Variants in CABLES1 observed in about 807,000 individuals in gnomAD.
CABLES1 encodes Cdk5 and Abl enzyme substrate 1, also known as CDK5 and ABL1 enzyme substrate 1.
Under a neutral mutation model 57.8 loss-of-function variants are expected in CABLES1, and 36 were observed. The ratio of observed to expected loss-of-function variants is 0.62; its 90% CI spans 0.48 to 0.82. CABLES1 has a LOEUF of 0.82. Ranked by LOEUF, CABLES1 falls within the 40% of genes least tolerant of loss-of-function variation. The pLI is 0.00. For missense variants in CABLES1, 767 were observed against 836.6 expected, an observed-to-expected ratio of 0.92 and a Z score of 1.03; for synonymous variants, 374 against 363.0, an observed-to-expected ratio of 1.03 and a Z score of -0.35.
At chr18:23,160,141 G>A (rs1355124096) in intron 1 of CABLES1, among the ~76,000 whole-genome samples, 1 of 151,398 alleles carries the variant, frequency 6.6e-6, no homozygotes, top group Admixed American at 6.6e-5. Context: ...AGGTTCAAGC[G>A]ATTCTCCTGC....
intron 4 of CABLES1, among the ~76,000 whole-genome samples, chr18:23,233,405 C>T (rs1259125100): frequency 6.6e-6 from 1 of 152,226 alleles, no homozygotes; most frequent in Admixed American, 6.5e-5. Context: ...ACTCTCCAAC[C>T]TACCGTCCTG....
In CABLES1 at chr18:23,259,725, C is replaced by CCAGACGTG. The variant is rs1159361369; in HGVS notation, c.*2363_*2364insGTGCAGAC. 1 of 152,204 alleles carries CCAGACGTG rather than the reference C, an allele frequency of 6.6e-6. No individual in the cohort carries two copies. Among genetic ancestry groups the CCAGACGTG allele is most frequent in the Non-Finnish European group, 1.5e-5 (1 of 68,092 alleles). 9.4% of individuals were successfully genotyped at this position (152,204 alleles called of 1,614,324 possible). A position where few individuals can be genotyped will look rare whatever the true frequency, so the allele number is the denominator to read the frequency against. On this transcript the variant is annotated 3_prime_UTR_variant, in exon 10 of 10. Coordinates refer to ENST00000256925, the MANE Select transcript of CABLES1 (RefSeq NM_001100619.3). ...AGGCACCTCTGTGACACGGAACATT[C>CCAGACGTG]CAGACACGTCGCAGCCTTGGGCTTC...
chr18:23,195,687 A>G (rs2047277257), intron 3 of CABLES1, among the ~76,000 whole-genome samples: 2 of 152,244 alleles, frequency 1.3e-5, no homozygotes, highest in Non-Finnish European at 2.9e-5. Context: ...GTATATGTTC[A>G]TATTTTAAGT....
At chr18:23,233,116 A>G (rs537468349) in intron 4 of CABLES1, among the ~76,000 whole-genome samples, 1 of 152,298 alleles carries the variant, frequency 6.6e-6, no homozygotes, top group East Asian at 1.9e-4. Flanking sequence ...ATGTCAGAAC[A>G]TGAAGACCTG....
chr18:23,249,582 T>G (rs2047987689), intron 7 of CABLES1, among the ~76,000 whole-genome samples: 1 of 152,142 alleles, frequency 6.6e-6, no homozygotes, highest in Non-Finnish European at 1.5e-5. Flanking sequence ...CTGATGAAAT[T>G]TTTCAGCGTC....
intron 3 of CABLES1, among the ~76,000 whole-genome samples, chr18:23,204,026 C>G (rs994567280): frequency 6.6e-6 from 1 of 152,186 alleles, no homozygotes; most frequent in Non-Finnish European, 1.5e-5. Context: ...AGCCTGAAGA[C>G]GCCTCCAGGA....
At chr18:23,199,663 G>A (rs1229882685) in intron 3 of CABLES1, among the ~76,000 whole-genome samples, 1 of 152,176 alleles carries the variant, frequency 6.6e-6, no homozygotes, top group East Asian at 1.9e-4. Context: ...GAAGGTGGTA[G>A]GTAAGAGGTA....
At chr18:23,252,600 G>C (rs2048065394) in intron 7 of CABLES1, among the ~76,000 whole-genome samples, 1 of 152,132 alleles carries the variant, frequency 6.6e-6, no homozygotes, top group Admixed American at 6.5e-5. Context: ...AGTGGAGATT[G>C]AACCCAGGTC....
At chr18:23,178,526 C>T (rs538099225) in intron 1 of CABLES1, among the ~76,000 whole-genome samples, 2 of 152,234 alleles carry the variant, frequency 1.3e-5, no homozygotes, top group South Asian at 2.1e-4. Context: ...TCTGACCTTC[C>T]CTCTAGACCC....
At chr18:23,252,511 G>GT (rs2048063640) in intron 7 of CABLES1, among the ~76,000 whole-genome samples, 1 of 152,328 alleles carries the variant, frequency 6.6e-6, no homozygotes, top group Admixed American at 6.5e-5. Flanking sequence ...CACTGTTACT[G>GT]TTTTTTGTTT....
intron 1 of CABLES1, among the ~76,000 whole-genome samples, chr18:23,168,341 G>A (rs1440850814): frequency 6.6e-6 from 1 of 152,238 alleles, no homozygotes; most frequent in Admixed American, 6.5e-5. Flanking sequence ...GAAACCTGCT[G>A]AGTGAAACAA....
intron 7 of CABLES1, among the ~76,000 whole-genome samples, chr18:23,247,120 A>G (rs953939286): frequency 6.6e-6 from 1 of 152,226 alleles, no homozygotes; most frequent in African/African-American, 2.4e-5. Context: ...CCGTGGCTCA[A>G]TCTCCTAGTA....
chr18:23,216,201 T>C (rs1257204670), intron 4 of CABLES1, among the ~76,000 whole-genome samples: 1 of 152,218 alleles, frequency 6.6e-6, no homozygotes, highest in Non-Finnish European at 1.5e-5. Context: ...AGGTCTGGGG[T>C]AGGGTAGCCC....
At chr18:23,141,062 C>T (rs1001245098) in intron 1 of CABLES1, among the ~76,000 whole-genome samples, 3 of 152,188 alleles carry the variant, frequency 2.0e-5, no homozygotes, top group African/African-American at 4.8e-5. Context: ...CTCTTAAAAG[C>T]AGATTCTGTA....
At chr18:23,173,878 G>A (rs1441117154) in intron 1 of CABLES1, among the ~76,000 whole-genome samples, 6 of 152,156 alleles carry the variant, frequency 3.9e-5, no homozygotes, top group African/African-American at 9.7e-5. Flanking sequence ...TGGGAGGATC[G>A]CCTGAACCCA....
intron 1 of CABLES1, among the ~76,000 whole-genome samples, chr18:23,136,924 C>G (rs2046826976): frequency 6.6e-6 from 1 of 152,252 alleles, no homozygotes; most frequent in South Asian, 2.1e-4. Flanking sequence ...AGATCACAAA[C>G]TTCCTGAAAC....
intron 1 of CABLES1, among the ~76,000 whole-genome samples, chr18:23,166,222 A>G (rs1249106771): frequency 1.3e-5 from 2 of 149,162 alleles, no homozygotes; most frequent in African/African-American, 2.5e-5. Flanking sequence ...TTTTTTTGAG[A>G]CAGAGTTTCA....
chr18:23,247,801 G>A (rs181695933), intron 7 of CABLES1, among the ~76,000 whole-genome samples: 11 of 152,374 alleles, frequency 7.2e-5, no homozygotes, highest in Non-Finnish European at 7.4e-5. Context: ...ACAGAAGGCC[G>A]GGATGCAGAA....
chr18:23,189,254 G>T, intron 2 of CABLES1: 1 of 214,304 alleles, frequency 4.7e-6, no homozygotes, highest in Non-Finnish European at 9.4e-6. Context: ...GTACAGTCCT[G>T]GACTTCATTC....
Sources: allele counts gnomAD v4.1 joint callset (sites outside exome capture counted in the v4.1 genomes callset), GRCh38; gene constraint gnomAD v4.1.1; transcripts MANE v1.5; gene names NCBI Gene and HGNC (gene_info 2026-07-23, HGNC 2026-07-21).